The following HIPK1 variants were observed in gnomAD, a reference collection of about 807,000 sequenced individuals.
The protein encoded by HIPK1 is homeodomain interacting protein kinase 1, also known as homeodomain-interacting protein kinase 1.
A neutral mutation model predicts 117.1 loss-of-function variants in HIPK1; 28 were observed. The ratio of observed to expected loss-of-function variants is 0.24; its 90% CI spans 0.18 to 0.33. HIPK1 has a LOEUF of 0.33. HIPK1 is among the 10% of genes least tolerant of loss of function. HIPK1 has a pLI of 1.00. For synonymous variants in HIPK1, 605 were observed against 562.5 expected (o/e 1.08, Z -1.07); for missense variants, 1,122 against 1,475.1 (o/e 0.76, Z 3.92).
At chr1:113,963,352 G>GT (rs1194683061) in intron 9 of HIPK1, 35 bp from the exon 10 acceptor site, 9 of 1,609,112 alleles carry the variant, frequency 5.6e-6, no homozygotes, top group Non-Finnish European at 7.6e-6. Flanking sequence ...CTGCCTCCGT[G>GT]TTTGTTTCAC....
At chr1:113,942,312 C>T (rs1036028034) in intron 2 of HIPK1, among the ~76,000 whole-genome samples, 4 of 151,852 alleles carry the variant, frequency 2.6e-5, no homozygotes, top group Non-Finnish European at 4.4e-5. Context: ...CCACCCGCCT[C>T]AGCCTCCCAA....
intron 1 of HIPK1, among the ~76,000 whole-genome samples, chr1:113,936,205 C>T (rs1670239294): frequency 1.3e-5 from 2 of 152,206 alleles, no homozygotes; most frequent in African/African-American, 2.4e-5. Flanking sequence ...TTTTGTACAT[C>T]ACACCCTTGC....
intron 2 of HIPK1, among the ~76,000 whole-genome samples, chr1:113,942,310 C>T (rs1670703832): frequency 6.6e-6 from 1 of 152,144 alleles, no homozygotes; most frequent in African/African-American, 2.4e-5. Flanking sequence ...ATCCACCCGC[C>T]TCAGCCTCCC....
chr1:113,934,564 T>C, intron 1 of HIPK1, among the ~76,000 whole-genome samples: 1 of 152,126 alleles, frequency 6.6e-6, no homozygotes, highest in Non-Finnish European at 1.5e-5. Context: ...TATATTGAGA[T>C]GGTTAAGTCC....
At chr1:113,962,797 T>C (rs1186512770) in intron 9 of HIPK1, among the ~76,000 whole-genome samples, 3 of 152,180 alleles carry the variant, frequency 2.0e-5, no homozygotes, top group Non-Finnish European at 2.9e-5. Context: ...TTCTAAAATA[T>C]AAGCTTCCAC....
At chr1:113,955,114 A>G (rs1671625993) in intron 4 of HIPK1, among the ~76,000 whole-genome samples, 1 of 152,246 alleles carries the variant, frequency 6.6e-6, no homozygotes, top group Non-Finnish European at 1.5e-5. Context: ...CAAATTTTCT[A>G]ACTGCCCACA....
chr1:113,943,258 A>T (rs1670767140), intron 2 of HIPK1, among the ~76,000 whole-genome samples: 1 of 152,216 alleles, frequency 6.6e-6, no homozygotes, highest in African/African-American at 2.4e-5. Context: ...CCAAAACAGA[A>T]ATTCTAACCA....
At position 113,941,211 on chromosome 1, in the gene HIPK1, T is replaced by C; in HGVS notation, c.828T>C (p.Tyr276=). 1 of 1,614,258 alleles carries C rather than the reference T, an allele frequency of 6.2e-7. No homozygotes were observed. Among genetic ancestry groups the C allele is most frequent in the Non-Finnish European group, 8.5e-7 (1 of 1,180,044 alleles). ...LVFEMLEQNL[Y]DFLKQNKFSP... ...TTGAAATGTTGGAGCAGAACTTATA[T>C]GATTTTCTAAAGCAAAACAAATTTA... is the stretch of plus-strand genomic sequence containing the variant. The change falls in exon 2 of 16, where the codon TAT becomes TAC. Residue 276 remains tyrosine (Y), a synonymous_variant. Transcript: ENST00000426820. This position sits in a 1 kb window ranked among gnomAD's most constrained non-coding sequence, Gnocchi z 4.9.
chr1:113,959,444 A>C (rs767809853), intron 8 of HIPK1, among the ~76,000 whole-genome samples: 2 of 152,184 alleles, frequency 1.3e-5, no homozygotes, highest in Non-Finnish European at 2.9e-5. Flanking sequence ...TATGCTTCAT[A>C]ATAGTAAATT....
chr1:113,968,568 T>TA lies in HIPK1; in HGVS notation c.2692dup (p.Thr898AsnfsTer14). Reference sequence around the variant, plus strand: ...AGCATCAGCCCATCATCATTCCAGATACTCCCAGCCCTCCTGTGAGTGTCA... The same window carrying TA: ...AGCATCAGCCCATCATCATTCCAGATAACTCCCAGCCCTCCTGTGAGTGTCA... On this transcript the variant is annotated frameshift_variant, in exon 13 of 16. Coordinates refer to ENST00000426820, the MANE Select transcript of HIPK1 (RefSeq NM_198268.3). LOFTEE classifies it high-confidence loss of function. 6.2e-7 allele frequency: 1 copy of TA among 1,614,038 alleles called. No individual in the cohort carries two copies. The highest frequency in any genetic ancestry group is 8.5e-7 in the Non-Finnish European group (1 of 1,179,878).
At chr1:113,936,734 A>G (rs1212370660) in intron 1 of HIPK1, among the ~76,000 whole-genome samples, 2 of 152,208 alleles carry the variant, frequency 1.3e-5, no homozygotes, top group African/African-American at 4.8e-5. Flanking sequence ...AAATGAATAC[A>G]TTTTTAAAAA....
chr1:113,949,623 G>C (rs1429677988), intron 2 of HIPK1, among the ~76,000 whole-genome samples: 4 of 138,984 alleles, frequency 2.9e-5, no homozygotes, highest in Non-Finnish European at 4.6e-5. Context: ...TTTTGAGACA[G>C]AGTCTTACTC....
chr1:113,937,116 A>AAGGT (rs1670302198), intron 1 of HIPK1, among the ~76,000 whole-genome samples: 1 of 152,226 alleles, frequency 6.6e-6, no homozygotes. Flanking sequence ...ATTCAGCCTC[A>AAGGT]CAGTTAAATT....
At position 113,963,482 on chromosome 1, in the gene HIPK1, C is replaced by G. The variant is rs765704874; in HGVS notation, c.2199C>G (p.Ala733=). 4.2e-5 allele frequency: 67 copies of G among 1,613,966 alleles called. No individual in the cohort carries two copies. Among genetic ancestry groups the G allele is most frequent in the Middle Eastern group, 3.3e-4 (2 of 6,084 alleles). The change falls in exon 10 of 16, where the codon GCC becomes GCG. Residue 733 remains alanine (A), a synonymous_variant. Coordinates refer to ENST00000426820, the MANE Select transcript of HIPK1 (RefSeq NM_198268.3). The part of the protein sequence containing the change: ...YAVPFTLSCA[A]GRPALVEQTA... ...TGCCCTTTACTCTGAGCTGCGCAGC[C>G]GGCCGGCCGGCGCTGGTTGAACAGA...
Position 113,941,040 on chromosome 1 carries a change from A to G in HIPK1, c.657A>G (p.Lys219=). The change falls in exon 2 of 16, where the codon AAA becomes AAG. Residue 219 remains lysine (K), a synonymous_variant. Transcript: ENST00000426820. The surrounding 1 kb of genome is among the most constrained non-coding windows in gnomAD (Gnocchi z 4.9). Reference sequence around the variant, plus strand: ...GCACCAAGGAAATTGTGGCTATTAAAATCTTGAAGAACCACCCCTCCTATG... The same window carrying G: ...GCACCAAGGAAATTGTGGCTATTAAGATCTTGAAGAACCACCCCTCCTATG... ...KRSTKEIVAI[K]ILKNHPSYAR... 1 of 1,614,166 alleles carries G rather than the reference A, an allele frequency of 6.2e-7. No individual in the cohort carries two copies.
intron 14 of HIPK1, 106 bp from the exon 15 acceptor site, chr1:113,971,718 C>A (rs1308757928): frequency 1.8e-6 from 2 of 1,099,126 alleles, no homozygotes; most frequent in East Asian, 5.7e-5. Context: ...GAATTGAGAC[C>A]TTAATGCTTG....
intron 7 of HIPK1, 37 bp from the exon 8 acceptor site, chr1:113,958,029 T>TA (rs1256991957): frequency 7.1e-7 from 1 of 1,400,672 alleles, no homozygotes; most frequent in Admixed American, 1.7e-5. Context: ...TGTCTCTACT[T>TA]AATACAAGTG....
intron 10 of HIPK1, among the ~76,000 whole-genome samples, chr1:113,963,970 G>C (rs1177816155): frequency 6.6e-6 from 1 of 152,140 alleles, no homozygotes. Context: ...TGGCAAGATA[G>C]CTTTCTCCTT....
At chr1:113,971,683 A>G in intron 14 of HIPK1, 141 bp from the exon 15 acceptor site, 2 of 645,566 alleles carry the variant, frequency 3.1e-6, no homozygotes, top group Non-Finnish European at 4.9e-6. Context: ...GGGTGATAAC[A>G]GGTTATTTTC....
Sources: allele counts gnomAD v4.1 joint callset (sites outside exome capture counted in the v4.1 genomes callset), GRCh38; gene constraint gnomAD v4.1.1; non-coding constraint Gnocchi (gnomAD v3.1); transcripts MANE v1.5; gene names NCBI Gene and HGNC (gene_info 2026-07-23, HGNC 2026-07-21).